The following AP1B1 variants were observed in gnomAD, a reference collection of about 807,000 sequenced individuals.
AP1B1 encodes the protein adaptor related protein complex 1 subunit beta 1.
AP1B1 carries 36 observed loss-of-function variants against 104.3 expected under a neutral mutation model. The observed-to-expected ratio is 0.35, with a 90% confidence interval of 0.26 to 0.46. The LOEUF (loss-of-function observed/expected upper bound fraction) is 0.46, where lower values mean the gene tolerates loss of function less well. AP1B1 is among the 20% of genes least tolerant of loss of function. The pLI, the probability that AP1B1 is intolerant of heterozygous loss-of-function variation, is 1.00. For missense variants in AP1B1, 901 were observed against 1,247.9 expected, an observed-to-expected ratio of 0.72 and a Z score of 4.19; for synonymous variants, 504 against 517.5, an observed-to-expected ratio of 0.97 and a Z score of 0.35.
At position 29,350,159 on chromosome 22, in the gene AP1B1, G is replaced by C; in HGVS notation, c.1156-9C>G. On this transcript the variant is annotated splice_polypyrimidine_tract_variant and intron_variant, in intron 9 of 22. Coordinates refer to ENST00000357586, the MANE Select transcript of AP1B1 (RefSeq NM_001127.4). ...CAGCGCTCCGCAGATTGCTGCATGG[G>C]AAGAGAAGAGTGTGGGCGAGGTCCC... 1 of 1,612,450 alleles carries C rather than the reference G, an allele frequency of 6.2e-7. No homozygotes were observed. Among genetic ancestry groups the C allele is most frequent in the Non-Finnish European group, 8.5e-7 (1 of 1,178,604 alleles).
intron 1 of AP1B1, among the ~76,000 whole-genome samples, chr22:29,388,160 G>C (rs529275946): frequency 3.3e-5 from 5 of 152,244 alleles, no homozygotes; most frequent in Non-Finnish European, 5.9e-5. Flanking sequence ...GGAATTCCTC[G>C]GGGCCTAAGT....
intron 16 of AP1B1, among the ~76,000 whole-genome samples, chr22:29,335,595 C>G (rs55937417): frequency 0.011 from 1,664 of 152,336 alleles, 12 homozygotes; most frequent in Non-Finnish European, 0.017. Context: ...CACCCTCTCC[C>G]CCTTTCCACA....
At chr22:29,335,959 G>GC (rs924023081) in intron 16 of AP1B1, among the ~76,000 whole-genome samples, 1 of 152,176 alleles carries the variant, frequency 6.6e-6, no homozygotes, top group Non-Finnish European at 1.5e-5. Context: ...CTCTCCAGGG[G>GC]CCCCCCAATC....
At chr22:29,340,608 C>A (rs922223913) in intron 14 of AP1B1, 48 bp downstream of exon 14, 1 of 1,488,730 alleles carries the variant, frequency 6.7e-7, no homozygotes, top group Non-Finnish European at 9.0e-7. Context: ...AGTGACTGCT[C>A]CTCTGAGGAT....
intron 13 of AP1B1, 43 bp downstream of exon 13, chr22:29,341,458 A>G (rs2061713030): frequency 2.5e-6 from 4 of 1,586,146 alleles, no homozygotes; most frequent in Admixed American, 1.7e-5. Flanking sequence ...AAACTGGGGA[A>G]GCAGAGTGTG....
At chr22:29,334,480 T>C in intron 16 of AP1B1, 70 bp from the exon 17 acceptor site, 1 of 1,502,998 alleles carries the variant, frequency 6.7e-7, no homozygotes. Flanking sequence ...ACAGCCCACC[T>C]GAGGGTGCTT....
intron 7 of AP1B1, among the ~76,000 whole-genome samples, chr22:29,353,426 C>T (rs2061907729): frequency 6.6e-6 from 1 of 152,148 alleles, no homozygotes; most frequent in Non-Finnish European, 1.5e-5. Context: ...GTGACGTGGA[C>T]AAATTCTTAA....
chr22:29,376,052 C>G (rs1170820355), intron 1 of AP1B1, among the ~76,000 whole-genome samples: 1 of 152,092 alleles, frequency 6.6e-6, no homozygotes, highest in Non-Finnish European at 1.5e-5. Flanking sequence ...TCCCAGGTGT[C>G]AAACACGAGG....
At chr22:29,365,724 T>C (rs1428656164) in intron 2 of AP1B1, among the ~76,000 whole-genome samples, 1 of 151,616 alleles carries the variant, frequency 6.6e-6, no homozygotes, top group Non-Finnish European at 1.5e-5. Context: ...AACCTCTTCT[T>C]GTATCACCCT....
chr22:29,359,197 T>C (rs750538078), intron 4 of AP1B1, among the ~76,000 whole-genome samples: 1 of 152,122 alleles, frequency 6.6e-6, no homozygotes, highest in Non-Finnish European at 1.5e-5. Flanking sequence ...AGAAATACAA[T>C]ACGGGTCCCA....
At chr22:29,338,115 G>A (rs1044420212) in intron 16 of AP1B1, among the ~76,000 whole-genome samples, 12 of 152,206 alleles carry the variant, frequency 7.9e-5, no homozygotes, top group African/African-American at 2.9e-4. Flanking sequence ...ATAACATGTA[G>A]TGGGCTGGAG....
chr22:29,363,199 C>G lies in AP1B1; in HGVS notation c.38-93G>C, dbSNP rs6006105. 0.33 allele frequency: 234,758 copies of G among 700,910 alleles called. 42,689 individuals are homozygous for G. Among genetic ancestry groups the G allele is most frequent in the East Asian group, 0.67 (26,477 of 39,562 alleles). 43.4% of individuals were successfully genotyped at this position (700,910 alleles called of 1,614,324 possible). ...CTTCCAAAAGAACCGGAGGGAGGCA[C>G]GTAAGACATCCTATGCTGTTGGCTG... On this transcript the variant is annotated intron_variant, in intron 2 of 22. Coordinates refer to ENST00000357586, the MANE Select transcript of AP1B1 (RefSeq NM_001127.4).
rs2061878806 is a variant in AP1B1, at chr22:29,351,762, C to A, written c.1002G>T (p.Val334=). The change falls in exon 8 of 23, where the codon GTG becomes GTT. Residue 334 remains valine (V), a synonymous_variant. Coordinates refer to ENST00000357586, the MANE Select transcript of AP1B1 (RefSeq NM_001127.4). ...TCATGATGTCCAGCTTCTCCAGCTT[C>A]ACGTAGATAGGGTCGTTGTACTTCA... ...FFVKYNDPIY[V]KLEKLDIMIR... is the part of the protein sequence containing the mutation. The A allele has an allele frequency of 6.2e-7, 1 of 1,614,100 alleles. No homozygotes were observed. Among genetic ancestry groups the A allele is most frequent in the African/African-American group, 1.3e-5 (1 of 74,956 alleles).
intron 14 of AP1B1, among the ~76,000 whole-genome samples, chr22:29,340,326 C>A (rs6006099): frequency 0.025 from 3,749 of 152,284 alleles, 139 homozygotes; most frequent in African/African-American, 0.087. Flanking sequence ...CCTTACAGGG[C>A]AAAGGTGACT....
chr22:29,330,948 C>A (rs963042460), intron 19 of AP1B1, among the ~76,000 whole-genome samples: 1 of 152,162 alleles, frequency 6.6e-6, no homozygotes, highest in African/African-American at 2.4e-5. Flanking sequence ...CTCCCCTCCC[C>A]ACCCCCACAC....
In AP1B1 at chr22:29,356,407, C is replaced by T; in HGVS notation, c.716+19G>A. On this transcript the variant is annotated intron_variant, in intron 6 of 22. Transcript: ENST00000357586. ...AGGGTCCTCAAGCTGGGCTGGCAAG[C>T]AACGGGCAGCCCGCTCACCTCTGGG... The T allele has an allele frequency of 6.3e-7, 1 of 1,596,558 alleles. No individual in the cohort carries two copies. The highest frequency in any genetic ancestry group is 8.6e-7 in the Non-Finnish European group (1 of 1,167,820).
At chr22:29,379,080 G>A (rs1256343216) in intron 1 of AP1B1, among the ~76,000 whole-genome samples, 2 of 152,156 alleles carry the variant, frequency 1.3e-5, no homozygotes, top group African/African-American at 4.8e-5. Flanking sequence ...AGTGATGGGC[G>A]CAGTGGCTCA....
intron 11 of AP1B1, among the ~76,000 whole-genome samples, chr22:29,345,046 G>T (rs180782767): frequency 5.8e-4 from 89 of 152,166 alleles, no homozygotes; most frequent in African/African-American, 2.0e-3. Context: ...ACTCCAAATC[G>T]TCAAGCACTA....
chr22:29,341,969 C>T (rs1446791318), intron 12 of AP1B1, among the ~76,000 whole-genome samples: 1 of 152,218 alleles, frequency 6.6e-6, no homozygotes, highest in Non-Finnish European at 1.5e-5. Flanking sequence ...CCAGCCTGGC[C>T]ATGCCTGTCT....
Sources: gnomAD v4.1 joint callset for allele counts (sites outside exome capture counted in the v4.1 genomes callset) on GRCh38, gnomAD v4.1.1 for gene constraint, MANE v1.5 for transcripts, NCBI Gene and HGNC (gene_info 2026-07-23, HGNC 2026-07-21) for gene names.